CTDSP1: variants seen among roughly 807,000 people sequenced by gnomAD.
The protein encoded by CTDSP1 is CTD small phosphatase 1.
A neutral mutation model predicts 32.5 loss-of-function variants in CTDSP1; 15 were observed. That is an observed-to-expected ratio of 0.46 (90% CI 0.31 to 0.71). The LOEUF (loss-of-function observed/expected upper bound fraction) is 0.71. Among genes scored for constraint, CTDSP1 ranks in the 30% least tolerant of loss-of-function variants. The pLI is 0.05. For missense variants in CTDSP1, 294 were observed against 351.1 expected (o/e 0.84, Z 1.30); for synonymous variants, 185 against 145.4 (o/e 1.27, Z -1.96).
At position 218,403,164 on chromosome 2, in the gene CTDSP1, C is replaced by T. The variant is rs535608825; in HGVS notation, c.471+37C>T. ...AGGGGTCCCGGGGCAACCCTGCCCT[C>T]CTACCTACCTCCCGCATGCAGCCCA... On this transcript the variant is annotated intron_variant, in intron 5 of 6. Transcript: ENST00000273062. 38 of 1,613,290 alleles carry T rather than the reference C, an allele frequency of 2.4e-5. No individual in the cohort carries two copies. In the South Asian group the frequency reaches 4.0e-4, roughly 17 times the overall value.
upstream of CTDSP1, chr2:218,399,772 C>A (rs1451787963): frequency 9.4e-7 from 1 of 1,059,274 alleles, no homozygotes; most frequent in East Asian, 6.5e-5. Flanking sequence ...CCGCGCCGGT[C>A]CCAGAAGTGG....
intron 2 of CTDSP1, 29 bp downstream of exon 2, chr2:218,401,741 G>C (rs1397055788): frequency 1.3e-6 from 2 of 1,529,518 alleles, no homozygotes; most frequent in Admixed American, 4.3e-5. Flanking sequence ...GGGCCACGGG[G>C]GCACCTGGAC....
chr2:218,400,127 G>A lies in CTDSP1; in HGVS notation c.37G>A (p.Glu13Lys), dbSNP rs1400527802. Reference sequence around the variant, plus strand: ...GGCCGTCATTACTCAGATCAGCAAGGAGGAGGCTCGGGGCCCGCTGCGGGG... The same window carrying A: ...GGCCGTCATTACTCAGATCAGCAAGAAGGAGGCTCGGGGCCCGCTGCGGGG... ...SSAVITQISK[E>K]EARGPLRGKG... Residue 13 changes from glutamate to lysine, a missense_variant, in exon 1 of 7, where the codon GAG (glutamate) becomes AAG (lysine). This residue lies in a region of CTDSP1 where 148 missense variants were observed against 113.3 expected (regional missense o/e 1.31). Coordinates refer to ENST00000273062, the MANE Select transcript of CTDSP1 (RefSeq NM_021198.3). The A allele has an allele frequency of 3.2e-6, 5 of 1,545,798 alleles. No individual in the cohort carries two copies. In the African/African-American group the frequency reaches 4.1e-5, roughly 13 times the overall value.
chr2:218,401,219 A>G (rs1697118888), intron 1 of CTDSP1: 1 of 388,276 alleles, frequency 2.6e-6, no homozygotes, highest in African/African-American at 2.1e-5. Context: ...TGCTCAGGTA[A>G]GGTGGGGTCA....
At chr2:218,402,726 C>T (rs996007573) in intron 4 of CTDSP1, 1 of 757,474 alleles carries the variant, frequency 1.3e-6, no homozygotes, top group Non-Finnish European at 2.5e-6. Context: ...GGACCGGTGC[C>T]CTGCAGCCTT....
chr2:218,404,497 C>G lies in CTDSP1; in HGVS notation c.*72C>G, dbSNP rs919389308. 2 of 1,576,514 alleles carry G rather than the reference C, an allele frequency of 1.3e-6. No homozygotes were observed. Among genetic ancestry groups the G allele is most frequent in the Non-Finnish European group, 1.7e-6 (2 of 1,157,356 alleles). The stretch of plus-strand genomic sequence containing the variant: ...CCTCCTCCCAGGAAGACTGCCCAGG[C>G]CTTTGTTAGGAAAACCCATGGGCCG... On this transcript the variant is annotated 3_prime_UTR_variant, in exon 7 of 7. Coordinates refer to ENST00000273062, the MANE Select transcript of CTDSP1 (RefSeq NM_021198.3).
intron 2 of CTDSP1, 24 bp from the exon 3 acceptor site, chr2:218,402,087 C>T: frequency 1.3e-6 from 2 of 1,544,658 alleles, no homozygotes; most frequent in Non-Finnish European, 1.8e-6. Flanking sequence ...AGAGGCACCC[C>T]AGCCAGCCCC....
chr2:218,397,407 T>C (rs1400522534), upstream of CTDSP1, among the ~76,000 whole-genome samples: 1 of 152,086 alleles, frequency 6.6e-6, no homozygotes, highest in Non-Finnish European at 1.5e-5. Context: ...AGGGAGGGCG[T>C]GGTCGCACTT....
intron 1 of CTDSP1, chr2:218,400,487 G>A: frequency 2.3e-6 from 1 of 431,000 alleles, no homozygotes; most frequent in Non-Finnish European, 4.4e-6. Context: ...GGGGCTGGGA[G>A]ATGGGGGAGC....
intron 4 of CTDSP1, 38 bp from the exon 5 acceptor site, chr2:218,402,997 C>T: frequency 6.6e-7 from 1 of 1,516,648 alleles, no homozygotes; most frequent in Non-Finnish European, 9.1e-7. Flanking sequence ...CCACACTGCC[C>T]CACTGGCCCG....
chr2:218,399,992 ACCCCTCCCCTCCCC>A lies in CTDSP1; in HGVS notation c.-95_-82del. On this transcript the variant is annotated 5_prime_UTR_variant, in exon 1 of 7. Transcript: ENST00000273062. ...GAGCTCGCGGGGATCCCTCCCTCCC[ACCCCTCCCCTCCCC>A]CCCGCGCCCCGATTCCGGCCCCAGC... 5.2e-6 allele frequency: 1 copy of A among 193,824 alleles called. No homozygotes were observed. Among genetic ancestry groups the A allele is most frequent in the Non-Finnish European group, 6.6e-6 (1 of 151,998 alleles). 12.0% of individuals were successfully genotyped at this position (193,824 alleles called of 1,614,324 possible). A position where few individuals can be genotyped will look rare whatever the true frequency, so the allele number is the denominator to read the frequency against.
chr2:218,398,140 A>T (rs1341507909), upstream of CTDSP1: 2 of 505,722 alleles, frequency 4.0e-6, no homozygotes, highest in Non-Finnish European at 3.6e-6. Context: ...TTTTGGGGTC[A>T]TGAGGGCCCC....
chr2:218,402,093 G>A lies in CTDSP1; in HGVS notation c.217-18G>A, dbSNP rs370686715. ...GGCCCGGAGAGAGGCACCCCAGCCA[G>A]CCCCGCCCTCCCTACAGCAGACCCC... is the stretch of plus-strand genomic sequence containing the variant. On this transcript the variant is annotated intron_variant, in intron 2 of 6. Coordinates refer to ENST00000273062, the MANE Select transcript of CTDSP1 (RefSeq NM_021198.3). 16 of 1,575,440 alleles carry A rather than the reference G, an allele frequency of 1.0e-5. No individual in the cohort carries two copies. Among genetic ancestry groups the A allele is most frequent in the Non-Finnish European group, 1.4e-5 (16 of 1,147,982 alleles).
chr2:218,398,488 C>A (rs1559132451), upstream of CTDSP1: 1 of 1,484,524 alleles, frequency 6.7e-7, no homozygotes, highest in Non-Finnish European at 9.0e-7. Context: ...GGGTATCAGT[C>A]CCCGACAGTC....
chr2:218,403,519 G>GGTGCCCTCCC, intron 6 of CTDSP1, 102 bp downstream of exon 6: 4 of 1,100,788 alleles, frequency 3.6e-6, no homozygotes, highest in Non-Finnish European at 5.1e-6. Context: ...TTGGGGGGTG[G>GGTGCCCTCCC]GTGCCCTCCC....
intron 2 of CTDSP1, 41 bp from the exon 3 acceptor site, chr2:218,402,070 C>G (rs1207274196): frequency 1.4e-6 from 2 of 1,391,068 alleles, no homozygotes; most frequent in East Asian, 2.3e-5. Flanking sequence ...AAGGACCAGG[C>G]CCGGAGAGAG....
chr2:218,402,462 C>T, intron 4 of CTDSP1, 57 bp downstream of exon 4: 5 of 1,538,732 alleles, frequency 3.2e-6, no homozygotes, highest in Non-Finnish European at 4.5e-6. Flanking sequence ...ACCCTAGGCT[C>T]TTCCCACCAA....
At chr2:218,398,479 G>A (rs1696934901), upstream of CTDSP1, 5 of 1,525,558 alleles carry the variant, frequency 3.3e-6, no homozygotes, top group Non-Finnish European at 4.4e-6. Context: ...CGGGGACCGG[G>A]GTATCAGTCC....
Position 218,404,550 on chromosome 2 carries a change from G to A in CTDSP1, c.*125G>A, listed in dbSNP as rs1371182528. The A allele has an allele frequency of 4.0e-5, 51 of 1,266,304 alleles. No individual in the cohort carries two copies. Among genetic ancestry groups the A allele is most frequent in the East Asian group, 2.4e-5 (1 of 41,140 alleles). The allele number at this position is 1,266,304 out of a possible 1,614,324, so 78.4% of individuals were successfully genotyped here. ...GCCACACTCAGTGCCATGGGGAAGCGGGCGTCTCCCCCACCAGCCCCACCA... is the reference window on the plus strand; with the variant it reads ...GCCACACTCAGTGCCATGGGGAAGCAGGCGTCTCCCCCACCAGCCCCACCA... On this transcript the variant is annotated 3_prime_UTR_variant, in exon 7 of 7. Coordinates refer to ENST00000273062, the MANE Select transcript of CTDSP1 (RefSeq NM_021198.3).
Sources: gnomAD v4.1 joint callset for allele counts (sites outside exome capture counted in the v4.1 genomes callset) on GRCh38, gnomAD v4.1.1 for gene constraint, gnomAD v4.1.1 regional missense constraint, MANE v1.5 for transcripts, NCBI Gene and HGNC (gene_info 2026-07-23, HGNC 2026-07-21) for gene names.